Variants in OCM observed in about 807,000 individuals in gnomAD.
OCM encodes oncomodulin, also known as oncomodulin-1.
OCM carries 18 observed loss-of-function variants against 14.1 expected under a neutral mutation model. The ratio of observed to expected loss-of-function variants is 1.28; its 90% CI spans 0.88 to 1.89. OCM has a LOEUF of 1.89. OCM is among the 40% of genes most tolerant of loss of function. The pLI, the probability that OCM is intolerant of heterozygous loss-of-function variation, is 0.00. For missense variants in OCM, 140 were observed against 137.6 expected, an observed-to-expected ratio of 1.02 and a Z score of -0.09; for synonymous variants, 48 against 51.0, an observed-to-expected ratio of 0.94 and a Z score of 0.25.
At chr7:5,863,982 G>T in the OCM span, among the ~76,000 whole-genome samples, 5 of 152,002 alleles carry the variant, frequency 3.3e-5, no homozygotes, top group African/African-American at 1.2e-4. Context: ...ATCTGCTGAG[G>T]ATGAAGACAT....
At chr7:5,877,058 G>C (rs1223935754), upstream of OCM, among the ~76,000 whole-genome samples, 5 of 152,016 alleles carry the variant, frequency 3.3e-5, no homozygotes, top group Non-Finnish European at 7.4e-5. Flanking sequence ...TGCCTGCCTC[G>C]GCCTCCCAAA....
the OCM span, among the ~76,000 whole-genome samples, chr7:5,867,480 T>C: frequency 2.0e-5 from 3 of 152,160 alleles, no homozygotes; most frequent in African/African-American, 7.2e-5. Context: ...TCCTCCTCCT[T>C]TTTCCTCCTC....
upstream of OCM, among the ~76,000 whole-genome samples, chr7:5,877,844 A>T (rs1243666960): frequency 7.4e-6 from 1 of 135,556 alleles, no homozygotes; most frequent in Non-Finnish European, 1.6e-5. Context: ...AAAAAAAAAA[A>T]GGAGATCCTG....
upstream of OCM, among the ~76,000 whole-genome samples, chr7:5,880,334 T>C (rs1033610538): frequency 2.6e-5 from 4 of 152,214 alleles, no homozygotes; most frequent in African/African-American, 9.6e-5. Context: ...GGTCATTTTT[T>C]TTTTCCATTT....
chr7:5,881,684 A>T (rs1255112272), intron 1 of OCM, among the ~76,000 whole-genome samples: 8 of 150,902 alleles, frequency 5.3e-5, no homozygotes, highest in Non-Finnish European at 1.0e-4. Context: ...TCATGGAATC[A>T]GAGAAGAAAA....
At chr7:5,881,033 A>G in intron 1 of OCM, 83 bp downstream of exon 1, 1 of 1,427,046 alleles carries the variant, frequency 7.0e-7, no homozygotes, top group Non-Finnish European at 9.9e-7. Context: ...AATGTAGGCC[A>G]GGCGGCCAGA....
At chr7:5,866,419 A>G in the OCM span, among the ~76,000 whole-genome samples, 42 of 84,210 alleles carry the variant, frequency 5.0e-4, 1 homozygote, top group South Asian at 5.0e-4. Flanking sequence ...GGGGGGAGAG[A>G]AGGAGGGAGG....
At chr7:5,880,162 A>G (rs189294396), upstream of OCM, among the ~76,000 whole-genome samples, 38 of 152,314 alleles carry the variant, frequency 2.5e-4, no homozygotes, top group Middle Eastern at 3.4e-3. Context: ...GTCTGCAAGC[A>G]GCCCAAACTG....
At chr7:5,860,446 CGT>C in the OCM span, among the ~76,000 whole-genome samples, 1 of 116,368 alleles carries the variant, frequency 8.6e-6, no homozygotes, top group East Asian at 2.8e-4. Flanking sequence ...TGTATATATA[CGT>C]GTATGTATAT....
the OCM span, among the ~76,000 whole-genome samples, chr7:5,866,211 G>C: frequency 2.0e-5 from 3 of 151,550 alleles, no homozygotes; most frequent in South Asian, 2.1e-4. Flanking sequence ...TGTAGTCCCA[G>C]GTACTTTAGA....
At chr7:5,869,322 G>C in the OCM span, among the ~76,000 whole-genome samples, 1 of 152,028 alleles carries the variant, frequency 6.6e-6, no homozygotes, top group Non-Finnish European at 1.5e-5. Context: ...CTCTGGCTGG[G>C]CACGGTGGCT....
At chr7:5,875,335 G>A (rs751663174), upstream of OCM, among the ~76,000 whole-genome samples, 3 of 152,052 alleles carry the variant, frequency 2.0e-5, no homozygotes, top group African/African-American at 4.8e-5. Context: ...GGGATTACAG[G>A]TGTAAGCCAC....
chr7:5,864,166 C>T, the OCM span, among the ~76,000 whole-genome samples: 1 of 151,640 alleles, frequency 6.6e-6, no homozygotes, highest in Non-Finnish European at 1.5e-5. Flanking sequence ...ATGATGAGAT[C>T]CCGTCTCTAC....
At chr7:5,879,878 T>A (rs993535132), upstream of OCM, 14 of 152,098 alleles carry the variant, frequency 9.2e-5, no homozygotes, top group African/African-American at 3.4e-4. Context: ...ATAAGGTAGG[T>A]CAGTAAGGTA....
chr7:5,874,845 C>G (rs1781062386), upstream of OCM, among the ~76,000 whole-genome samples: 1 of 151,816 alleles, frequency 6.6e-6, no homozygotes, highest in Non-Finnish European at 1.5e-5. Flanking sequence ...TAAATATATT[C>G]ACATTGTGCA....
chr7:5,861,814 A>G, the OCM span, among the ~76,000 whole-genome samples: 102 of 152,012 alleles, frequency 6.7e-4, no homozygotes, highest in African/African-American at 2.4e-3. Context: ...CCTGGGCTCA[A>G]GTGATCCTAC....
chr7:5,861,063 G>A, the OCM span, among the ~76,000 whole-genome samples: 1 of 151,958 alleles, frequency 6.6e-6, no homozygotes, highest in Non-Finnish European at 1.5e-5. Context: ...TGTGCCACAG[G>A]TGGTGGTGGT....
chr7:5,864,892 C>G, the OCM span, among the ~76,000 whole-genome samples: 2 of 151,828 alleles, frequency 1.3e-5, no homozygotes, highest in African/African-American at 2.4e-5. Flanking sequence ...GAGCCGACAT[C>G]GCACCATTAC....
At chr7:5,860,808 A>G in the OCM span, among the ~76,000 whole-genome samples, 1 of 146,400 alleles carries the variant, frequency 6.8e-6, no homozygotes, top group African/African-American at 2.5e-5. Context: ...ATACACACAT[A>G]CACACATACA....
Sources: gnomAD v4.1 joint callset for allele counts (sites outside exome capture counted in the v4.1 genomes callset) on GRCh38, gnomAD v4.1.1 for gene constraint, MANE v1.5 for transcripts, NCBI Gene and HGNC (gene_info 2026-07-23, HGNC 2026-07-21) for gene names.